The following THSD7B variants were observed in gnomAD, a reference collection of about 807,000 sequenced individuals.
THSD7B encodes thrombospondin type 1 domain containing 7B.
THSD7B carries 138 observed loss-of-function variants against 213.6 expected under a neutral mutation model. That is an observed-to-expected ratio of 0.65 (90% CI 0.56 to 0.74). The LOEUF is 0.74. Among genes scored for constraint, THSD7B ranks in the 30% least tolerant of loss-of-function variants. THSD7B has a pLI of 0.00. For missense variants in THSD7B, 1,931 were observed against 1,991.5 expected, an observed-to-expected ratio of 0.97 and a Z score of 0.58; for synonymous variants, 742 against 687.0, an observed-to-expected ratio of 1.08 and a Z score of -1.25.
chr2:137,561,191 C>T (rs896365953), intron 15 of THSD7B, among the ~76,000 whole-genome samples: 1 of 152,118 alleles, frequency 6.6e-6, no homozygotes, highest in Non-Finnish European at 1.5e-5. Flanking sequence ...CAGGTGCAGA[C>T]AACTGGAGCA....
At chr2:136,931,175 G>A (rs1193358176) in intron 2 of THSD7B, among the ~76,000 whole-genome samples, 1 of 152,108 alleles carries the variant, frequency 6.6e-6, no homozygotes, top group Non-Finnish European at 1.5e-5. Context: ...GTAGAAGGTT[G>A]TAAAGGTCAG....
intron 5 of THSD7B, among the ~76,000 whole-genome samples, chr2:137,123,461 T>C (rs993628166): frequency 2.0e-5 from 3 of 152,178 alleles, no homozygotes; most frequent in African/African-American, 7.2e-5. Context: ...TGATGATAAA[T>C]GGTGGTCAGC....
intron 17 of THSD7B, among the ~76,000 whole-genome samples, chr2:137,595,369 G>T (rs1681939963): frequency 6.6e-6 from 1 of 152,054 alleles, no homozygotes; most frequent in Non-Finnish European, 1.5e-5. Flanking sequence ...ACTTGTTGTG[G>T]TGGGTTTCAT....
intron 2 of THSD7B, among the ~76,000 whole-genome samples, chr2:136,989,673 G>A (rs570671197): frequency 1.3e-5 from 2 of 152,332 alleles, no homozygotes; most frequent in Admixed American, 1.3e-4. Flanking sequence ...TGTTGGTGGG[G>A]CTGTACTTCA....
intron 7 of THSD7B, among the ~76,000 whole-genome samples, chr2:137,200,188 G>A (rs1242919094): frequency 1.3e-5 from 2 of 152,084 alleles, no homozygotes; most frequent in African/African-American, 2.4e-5. Context: ...TTATTCAAGG[G>A]CATAGGAGTA....
chr2:136,890,301 CTCCTTCTTCTTCT>C lies in THSD7B; in HGVS notation c.139+7987_139+7999del, dbSNP rs1683794211. Among the ~76,000 whole-genome samples, 2 of 486 alleles carry C rather than the reference CTCCTTCTTCTTCT, an allele frequency of 4.1e-3. 1 individual carries two copies. The highest frequency in any genetic ancestry group is 9.0e-3 in the African/African-American group (2 of 222). 0.3% of individuals were successfully genotyped at this position (486 alleles called of 152,430 possible). On this transcript the variant is annotated intron_variant, in intron 2 of 27. Transcript: ENST00000409968. ...ATTGCTCATTCATGTCCATGTCCTA[CTCCTTCTTCTTCT>C]TCTTCTTCTTCTTCTTCTTCTTCTT...
chr2:136,937,332 C>T (rs375898398), intron 2 of THSD7B, among the ~76,000 whole-genome samples: 8 of 151,842 alleles, frequency 5.3e-5, no homozygotes, highest in African/African-American at 9.7e-5. Flanking sequence ...TCTGCTCCCC[C>T]GCCACCCGCT....
At chr2:137,162,101 GC>G (rs1558942798) in intron 6 of THSD7B, among the ~76,000 whole-genome samples, 1 of 152,190 alleles carries the variant, frequency 6.6e-6, no homozygotes, top group Non-Finnish European at 1.5e-5. Context: ...TTGATAACCA[GC>G]CTAAGTCAGA....
chr2:137,105,432 A>T (rs542344608), intron 4 of THSD7B, among the ~76,000 whole-genome samples: 26 of 152,306 alleles, frequency 1.7e-4, no homozygotes, highest in African/African-American at 6.3e-4. Flanking sequence ...ATTTATTACA[A>T]ACCCACAGCC....
At chr2:137,297,058 T>C (rs1016606709) in intron 12 of THSD7B, among the ~76,000 whole-genome samples, 5 of 151,160 alleles carry the variant, frequency 3.3e-5, no homozygotes, top group Non-Finnish European at 5.9e-5. Context: ...GTTTTGTACA[T>C]TCTTGTTTAC....
At chr2:136,933,764 A>G (rs1403729604) in intron 2 of THSD7B, among the ~76,000 whole-genome samples, 1 of 152,042 alleles carries the variant, frequency 6.6e-6, no homozygotes. Context: ...TAAGTCTACT[A>G]TATTCTCTTT....
intron 2 of THSD7B, among the ~76,000 whole-genome samples, chr2:137,036,961 GAGA>G (rs775169830): frequency 6.6e-6 from 1 of 152,110 alleles, no homozygotes; most frequent in Non-Finnish European, 1.5e-5. Context: ...TTCCTTCTCT[GAGA>G]AGAAGGTGTA....
At chr2:137,053,791 T>C (rs567503452) in intron 2 of THSD7B, among the ~76,000 whole-genome samples, 9 of 152,256 alleles carry the variant, frequency 5.9e-5, no homozygotes, top group African/African-American at 2.2e-4. Context: ...AGAGATAAAC[T>C]GACAGCCATT....
In THSD7B at chr2:137,170,706, G is replaced by C. The variant is rs1269170415; in HGVS notation, c.1526-35G>C. 6 of 1,594,050 alleles carry C rather than the reference G, an allele frequency of 3.8e-6. No homozygotes were observed. The East Asian group carries it at 1.3e-4, about 36-fold the overall frequency. On this transcript the variant is annotated intron_variant, in intron 6 of 27. Transcript: ENST00000409968. ...TCTTTTCCTTTCCTGGAAAAGAGTG[G>C]AATTCTCTGAAAATTCTTTTCTCTC...
chr2:137,384,872 T>G (rs1387396826), intron 12 of THSD7B, among the ~76,000 whole-genome samples: 1 of 152,054 alleles, frequency 6.6e-6, no homozygotes, highest in Non-Finnish European at 1.5e-5. Flanking sequence ...CCTGGGCCAC[T>G]CATCACATGG....
intron 12 of THSD7B, among the ~76,000 whole-genome samples, chr2:137,297,767 G>A (rs935513218): frequency 3.9e-5 from 6 of 152,220 alleles, no homozygotes; most frequent in East Asian, 1.9e-4. Flanking sequence ...GGTTTCAGCT[G>A]TTGGTTCTTC....
chr2:136,948,069 A>T (rs976631599), intron 2 of THSD7B, among the ~76,000 whole-genome samples: 1 of 152,244 alleles, frequency 6.6e-6, no homozygotes, highest in South Asian at 2.1e-4. Context: ...ACTAAGCCTT[A>T]TCACTTAACA....
intron 14 of THSD7B, among the ~76,000 whole-genome samples, chr2:137,449,129 A>T (rs1687599395): frequency 6.6e-6 from 1 of 151,268 alleles, no homozygotes; most frequent in Admixed American, 6.6e-5. Flanking sequence ...AGATACCAAA[A>T]CAGAACAATT....
chr2:137,010,933 A>C (rs980287179), intron 2 of THSD7B, among the ~76,000 whole-genome samples: 14 of 152,206 alleles, frequency 9.2e-5, no homozygotes, highest in African/African-American at 3.4e-4. Flanking sequence ...AGAGTGATGA[A>C]GAGTGGCAGG....
Sources: allele counts gnomAD v4.1 joint callset (sites outside exome capture counted in the v4.1 genomes callset), GRCh38; gene constraint gnomAD v4.1.1; transcripts MANE v1.5; gene names NCBI Gene and HGNC (gene_info 2026-07-23, HGNC 2026-07-21).